NRCAM: variants seen among roughly 807,000 people sequenced by gnomAD.
NRCAM encodes neuronal cell adhesion molecule, also known as NgCAM-related cell adhesion molecule.
In NRCAM, 83 loss-of-function variants were observed where a neutral mutation model predicts 156.5. That is an observed-to-expected ratio of 0.53 (90% CI 0.44 to 0.64). The LOEUF (loss-of-function observed/expected upper bound fraction) is 0.64, where lower values mean the gene tolerates loss of function less well. Ranked by LOEUF, NRCAM falls within the 30% of genes least tolerant of loss-of-function variation. The probability of loss-of-function intolerance (pLI) is 0.00; values close to 1 mark genes in which losing one functional copy is unlikely to be tolerated. For missense variants in NRCAM, 1,417 were observed against 1,597.3 expected (o/e 0.89, Z 1.92); for synonymous variants, 538 against 563.9 (o/e 0.95, Z 0.65).
At chr7:108,412,088 A>T (rs1246378259) in intron 1 of NRCAM, among the ~76,000 whole-genome samples, 1 of 152,238 alleles carries the variant, frequency 6.6e-6, no homozygotes, top group African/African-American at 2.4e-5. Flanking sequence ...ATTATGATTT[A>T]CACATTCATA....
chr7:108,348,808 G>A (rs1158317002), intron 2 of NRCAM, among the ~76,000 whole-genome samples: 1 of 151,598 alleles, frequency 6.6e-6, no homozygotes, highest in East Asian at 1.9e-4. Flanking sequence ...GGCTGAGGCA[G>A]GAGAATCACT....
chr7:108,363,639 G>T (rs1272926974), intron 2 of NRCAM, among the ~76,000 whole-genome samples: 1 of 152,134 alleles, frequency 6.6e-6, no homozygotes, highest in East Asian at 1.9e-4. Context: ...TTACAGTGCA[G>T]AAACCTGATA....
chr7:108,186,723 T>C (rs1008730440), intron 20 of NRCAM, among the ~76,000 whole-genome samples: 2 of 152,232 alleles, frequency 1.3e-5, no homozygotes, highest in African/African-American at 2.4e-5. Context: ...ATATCTTAAA[T>C]AAATGTAAGC....
intron 19 of NRCAM, among the ~76,000 whole-genome samples, chr7:108,190,267 C>T (rs2070351695): frequency 6.6e-6 from 1 of 152,136 alleles, no homozygotes; most frequent in African/African-American, 2.4e-5. Context: ...ATGGAGGTAG[C>T]CCTCAGCATG....
intron 20 of NRCAM, among the ~76,000 whole-genome samples, chr7:108,188,176 C>G (rs2068418465): frequency 6.6e-6 from 1 of 152,026 alleles, no homozygotes; most frequent in Admixed American, 6.6e-5. Context: ...ACCAGGAGCC[C>G]AGAGTACAGT....
chr7:108,186,696 C>T (rs1020883059), intron 20 of NRCAM, among the ~76,000 whole-genome samples: 2 of 152,196 alleles, frequency 1.3e-5, no homozygotes, highest in Non-Finnish European at 2.9e-5. Flanking sequence ...TAGGTTCATA[C>T]ATCTTTATAT....
intron 1 of NRCAM, among the ~76,000 whole-genome samples, chr7:108,419,851 G>A (rs927571759): frequency 1.3e-5 from 2 of 152,180 alleles, no homozygotes; most frequent in Admixed American, 6.5e-5. Context: ...AGGGTGTCCA[G>A]TAGGCATTAA....
chr7:108,152,538 G>GA (rs2042316510), intron 32 of NRCAM, among the ~76,000 whole-genome samples: 1 of 19,696 alleles, frequency 5.1e-5, no homozygotes, highest in Non-Finnish European at 8.9e-5. Context: ...GAAGCCCTGG[G>GA]AGGGTTTCAA....
chr7:108,415,210 A>C (rs1048417062), intron 1 of NRCAM, among the ~76,000 whole-genome samples: 2 of 152,110 alleles, frequency 1.3e-5, no homozygotes, highest in Middle Eastern at 3.2e-3. Flanking sequence ...CTGCCATCTG[A>C]CAACAGGGGT....
At chr7:108,394,999 T>A (rs2099772856) in intron 2 of NRCAM, among the ~76,000 whole-genome samples, 1 of 152,208 alleles carries the variant, frequency 6.6e-6, no homozygotes, top group African/African-American at 2.4e-5. Context: ...TTTAATGTTA[T>A]CTACTTATCC....
intron 20 of NRCAM, 88 bp downstream of exon 20, chr7:108,189,557 C>G: frequency 1.4e-6 from 1 of 706,856 alleles, no homozygotes; most frequent in East Asian, 2.6e-5. Context: ...CAGTAAATAC[C>G]TTTGTGAGGA....
intron 32 of NRCAM, among the ~76,000 whole-genome samples, chr7:108,155,340 T>C (rs1198014867): frequency 6.6e-6 from 1 of 151,900 alleles, no homozygotes; most frequent in Admixed American, 6.6e-5. Context: ...ATTATATAAA[T>C]CATATTCACA....
At chr7:108,423,284 A>T (rs1370141954) in intron 1 of NRCAM, among the ~76,000 whole-genome samples, 1 of 152,086 alleles carries the variant, frequency 6.6e-6, no homozygotes. Flanking sequence ...AGAAAGATGA[A>T]AAGTAAGAAG....
At chr7:108,375,328 A>C (rs2099670265) in intron 2 of NRCAM, among the ~76,000 whole-genome samples, 1 of 146,538 alleles carries the variant, frequency 6.8e-6, no homozygotes, top group South Asian at 2.4e-4. Flanking sequence ...CCCAAAAATA[A>C]TTAATAATGA....
intron 3 of NRCAM, among the ~76,000 whole-genome samples, chr7:108,309,318 T>C (rs769924141): frequency 3.3e-5 from 5 of 152,216 alleles, no homozygotes; most frequent in African/African-American, 4.8e-5. Context: ...AATCAAACTT[T>C]ACTGGTATAA....
Position 108,231,068 on chromosome 7 carries a change from A to T in NRCAM, c.513T>A (p.Ile171=). The part of the protein sequence containing the change: ...QSLVLPCRPP[I]GLPPPIIFWM... Reference sequence around the variant, plus strand: ...AAAATATTATAGGTGGTGGTAATCCAATTGGGGGTCTGCAGGGAAGTACTA... The same window carrying T: ...AAAATATTATAGGTGGTGGTAATCCTATTGGGGGTCTGCAGGGAAGTACTA... Residue 171 remains isoleucine, a synonymous_variant, in exon 8 of 33, where the codon ATT becomes ATA. Coordinates refer to ENST00000379028, the MANE Select transcript of NRCAM (RefSeq NM_001037132.4). The T allele has an allele frequency of 6.2e-7, 1 of 1,608,644 alleles. No individual in the cohort carries two copies. Among genetic ancestry groups the T allele is most frequent in the Non-Finnish European group, 8.5e-7 (1 of 1,176,428 alleles).
chr7:108,222,027 A>G (rs565522839), intron 11 of NRCAM, among the ~76,000 whole-genome samples: 1 of 152,264 alleles, frequency 6.6e-6, no homozygotes, highest in Non-Finnish European at 1.5e-5. Flanking sequence ...TAAACTGAGC[A>G]TATGTATCTG....
intron 1 of NRCAM, among the ~76,000 whole-genome samples, chr7:108,444,313 G>A (rs1217549053): frequency 6.6e-6 from 1 of 152,054 alleles, no homozygotes; most frequent in African/African-American, 2.4e-5. Flanking sequence ...CTTGGATACT[G>A]AGGGATGACT....
At chr7:108,430,854 T>C (rs1046112933) in intron 1 of NRCAM, among the ~76,000 whole-genome samples, 1 of 152,140 alleles carries the variant, frequency 6.6e-6, no homozygotes, top group Non-Finnish European at 1.5e-5. Flanking sequence ...GCTACCTCTG[T>C]TCTTCAACAG....
Sources: allele counts gnomAD v4.1 joint callset (sites outside exome capture counted in the v4.1 genomes callset), GRCh38; gene constraint gnomAD v4.1.1; transcripts MANE v1.5; gene names NCBI Gene and HGNC (gene_info 2026-07-23, HGNC 2026-07-21).